Variants in DIMT1 observed in about 807,000 individuals in gnomAD.
DIMT1 encodes DIM1 rRNA methyltransferase and ribosome maturation factor, also known as dimethyladenosine transferase.
Under a neutral mutation model 43.2 loss-of-function variants are expected in DIMT1, and 36 were observed. That is an observed-to-expected ratio of 0.83 (90% CI 0.64 to 1.10). DIMT1 has a LOEUF of 1.10. Among genes scored for constraint, DIMT1 ranks in the 50% least tolerant of loss-of-function variants. The probability of loss-of-function intolerance (pLI) is 0.00; values close to 1 mark genes in which losing one functional copy is unlikely to be tolerated. For missense variants in DIMT1, 341 were observed against 385.3 expected (o/e 0.88, Z 0.96); for synonymous variants, 126 against 130.3 (o/e 0.97, Z 0.22).
intron 6 of DIMT1, among the ~76,000 whole-genome samples, chr5:62,397,799 C>G (rs1442306633): frequency 6.6e-6 from 1 of 152,186 alleles, no homozygotes; most frequent in African/African-American, 2.4e-5. Flanking sequence ...CAGGCGCCCG[C>G]CACTACGCCC....
At chr5:62,394,444 CTA>C (rs374755893) in intron 7 of DIMT1, 38 bp downstream of exon 7, 12 of 1,599,514 alleles carry the variant, frequency 7.5e-6, no homozygotes, top group African/African-American at 4.0e-5. Context: ...GAGTGAGATT[CTA>C]TCTCAGAAAA....
intron 6 of DIMT1, among the ~76,000 whole-genome samples, chr5:62,397,073 C>T (rs1415452811): frequency 6.6e-6 from 1 of 152,192 alleles, no homozygotes; most frequent in East Asian, 1.9e-4. Context: ...CCTCAGCCTC[C>T]CGAGTAGCTG....
At chr5:62,391,626 G>A in intron 10 of DIMT1, 1 of 976,142 alleles carries the variant, frequency 1.0e-6, no homozygotes, top group Non-Finnish European at 1.3e-6. Flanking sequence ...TTCTCTCTCT[G>A]TTCTAATTAA....
intron 3 of DIMT1, among the ~76,000 whole-genome samples, chr5:62,400,221 G>A (rs1265424937): frequency 6.7e-6 from 1 of 148,292 alleles, no homozygotes; most frequent in African/African-American, 2.5e-5. Flanking sequence ...AATTTCAGCT[G>A]AGGTTTCACT....
chr5:62,396,390 C>T (rs923283679), intron 6 of DIMT1, among the ~76,000 whole-genome samples: 4 of 151,946 alleles, frequency 2.6e-5, no homozygotes, highest in African/African-American at 2.4e-5. Context: ...TGCCCGTAAT[C>T]GCAGCTACTT....
In DIMT1 at chr5:62,395,502, T is replaced by C. The variant is rs570525424; in HGVS notation, c.447-895A>G. Among the ~76,000 whole-genome samples, 8 of 152,312 alleles carry C rather than the reference T, an allele frequency of 5.3e-5. No individual in the cohort carries two copies. The South Asian group carries it at 1.2e-3, about 24-fold the overall frequency. On this transcript the variant is annotated intron_variant, in intron 6 of 11. Coordinates refer to ENST00000199320, the MANE Select transcript of DIMT1 (RefSeq NM_014473.4). ...ATGTCTGTATGTATATGTGTTTATATTGTATTTCAAAACAAAAGTTTCATG... is the reference window on the plus strand; with the variant it reads ...ATGTCTGTATGTATATGTGTTTATACTGTATTTCAAAACAAAAGTTTCATG...
At chr5:62,393,177 C>T (rs1410358831) in intron 8 of DIMT1, among the ~76,000 whole-genome samples, 187 bp from the exon 9 acceptor site, 1 of 152,060 alleles carries the variant, frequency 6.6e-6, no homozygotes, top group African/African-American at 2.4e-5. Context: ...GATTTTTGCA[C>T]TTTGGCGCAT....
At chr5:62,394,115 T>A in intron 7 of DIMT1, 68 bp from the exon 8 acceptor site, 1 of 1,410,484 alleles carries the variant, frequency 7.1e-7, no homozygotes, top group South Asian at 1.2e-5. Flanking sequence ...AGATATGCTA[T>A]CCTCACAGAA....
chr5:62,387,974 AT>A lies in DIMT1; in HGVS notation c.*1035del, dbSNP rs958018567. On this transcript the variant is annotated 3_prime_UTR_variant, in exon 12 of 12. Transcript: ENST00000199320. ...AATATCAATAAAGATATTTTTATTA[AT>A]TTTTTATAGAAACAAAATAGCTACT... 1 of 152,114 alleles carries A rather than the reference AT, an allele frequency of 6.6e-6. No individual in the cohort carries two copies. Among genetic ancestry groups the A allele is most frequent in the Admixed American group, 6.5e-5 (1 of 15,272 alleles). The allele number at this position is 152,114 out of a possible 1,614,324, so 9.4% of individuals were successfully genotyped here.
intron 7 of DIMT1, 92 bp downstream of exon 7, chr5:62,394,392 G>T: frequency 7.5e-7 from 1 of 1,341,962 alleles, no homozygotes. Flanking sequence ...AGTATGGGAG[G>T]CAGAGATCGC....
At chr5:62,398,340 C>T (rs1742574212) in intron 6 of DIMT1, 171 bp downstream of exon 6, 3 of 643,912 alleles carry the variant, frequency 4.7e-6, no homozygotes, top group Non-Finnish European at 8.3e-6. Flanking sequence ...CAGCACACTA[C>T]CCCCAAATAA....
intron 3 of DIMT1, among the ~76,000 whole-genome samples, chr5:62,400,581 G>C (rs1025635553): frequency 6.6e-6 from 1 of 150,516 alleles, no homozygotes; most frequent in Non-Finnish European, 1.5e-5. Context: ...ATTGGGTCTC[G>C]CTTTGTTGCC....
Position 62,388,961 on chromosome 5 carries a change from C to G in DIMT1, c.*49G>C. ...ATTATCTTCTCAAATACAAAAAATACAAAATTCATTTCTTTTCTTGACCTT... is the reference window on the plus strand; with the variant it reads ...ATTATCTTCTCAAATACAAAAAATAGAAAATTCATTTCTTTTCTTGACCTT... On this transcript the variant is annotated 3_prime_UTR_variant, in exon 12 of 12. Coordinates refer to ENST00000199320, the MANE Select transcript of DIMT1 (RefSeq NM_014473.4). The G allele has an allele frequency of 6.5e-7, 1 of 1,543,050 alleles. No homozygotes were observed. Among genetic ancestry groups the G allele is most frequent in the Non-Finnish European group, 8.9e-7 (1 of 1,125,316 alleles).
intron 3 of DIMT1, among the ~76,000 whole-genome samples, chr5:62,399,617 C>T (rs1216275394): frequency 6.7e-6 from 1 of 149,516 alleles, no homozygotes; most frequent in Non-Finnish European, 1.5e-5. Flanking sequence ...GCATTCCAGC[C>T]TGGGTGACAA....
chr5:62,391,034 C>T lies in DIMT1; in HGVS notation c.793-52G>A, dbSNP rs562311773. The stretch of plus-strand genomic sequence containing the variant: ...GAACGACATATCTTTAATGAGGTCA[C>T]CTTGACTCTTTTTTTTAGTTCAGTA... On this transcript the variant is annotated intron_variant, in intron 10 of 11. Transcript: ENST00000199320. 86 of 1,471,804 alleles carry T rather than the reference C, an allele frequency of 5.8e-5. No individual in the cohort carries two copies. The East Asian group carries it at 1.8e-3, about 31-fold the overall frequency. 91.2% of individuals were successfully genotyped at this position (1,471,804 alleles called of 1,614,324 possible).
At chr5:62,397,191 G>C (rs543080776) in intron 6 of DIMT1, among the ~76,000 whole-genome samples, 3 of 152,062 alleles carry the variant, frequency 2.0e-5, no homozygotes, top group African/African-American at 7.2e-5. Flanking sequence ...TGATCTGCCC[G>C]CCTCGGCCTC....
chr5:62,394,091 T>C (rs1245151003), intron 7 of DIMT1, 44 bp from the exon 8 acceptor site: 5 of 1,566,436 alleles, frequency 3.2e-6, no homozygotes, highest in Non-Finnish European at 4.4e-6. Context: ...AAAGGCAACT[T>C]TTATTTAGTA....
chr5:62,391,942 A>G, intron 10 of DIMT1: 1 of 1,536,172 alleles, frequency 6.5e-7, no homozygotes, highest in South Asian at 1.2e-5. Context: ...GTCAGTAGTT[A>G]GAGGACAGGG....
intron 8 of DIMT1, among the ~76,000 whole-genome samples, chr5:62,393,675 A>C (rs1320306342): frequency 6.6e-6 from 1 of 152,064 alleles, no homozygotes; most frequent in Non-Finnish European, 1.5e-5. Context: ...CAATGAAAAG[A>C]TGTTACCCAT....
Sources: gnomAD v4.1 joint callset for allele counts (sites outside exome capture counted in the v4.1 genomes callset) on GRCh38, gnomAD v4.1.1 for gene constraint, MANE v1.5 for transcripts, NCBI Gene and HGNC (gene_info 2026-07-23, HGNC 2026-07-21) for gene names.